Variants in GATAD2A observed in about 807,000 individuals in gnomAD.
GATAD2A encodes GATA zinc finger domain containing 2A.
Under a neutral mutation model 68.5 loss-of-function variants are expected in GATAD2A, and 12 were observed. The ratio of observed to expected loss-of-function variants is 0.18; its 90% CI spans 0.11 to 0.28. The LOEUF (loss-of-function observed/expected upper bound fraction) is 0.28, where lower values mean the gene tolerates loss of function less well. Ranked by LOEUF, GATAD2A falls within the 10% of genes least tolerant of loss-of-function variation. The pLI, the probability that GATAD2A is intolerant of heterozygous loss-of-function variation, is 1.00. For synonymous variants in GATAD2A, 410 were observed against 375.3 expected (o/e 1.09, Z -1.07); for missense variants, 755 against 868.5 (o/e 0.87, Z 1.64).
chr19:19,451,149 C>A (rs562634340), intron 1 of GATAD2A, among the ~76,000 whole-genome samples: 7 of 151,388 alleles, frequency 4.6e-5, no homozygotes, highest in African/African-American at 1.7e-4. Context: ...CTGAGGCAGC[C>A]GGATCATGAG....
At chr19:19,426,749 A>C (rs1251081269) in intron 1 of GATAD2A, among the ~76,000 whole-genome samples, 1 of 152,084 alleles carries the variant, frequency 6.6e-6, no homozygotes, top group East Asian at 1.9e-4. Flanking sequence ...TCTGGCCGCA[A>C]GCGATCCACC....
In GATAD2A at chr19:19,505,973, A is replaced by AT. The variant is rs111397533; in HGVS notation, c.*513dup. On this transcript the variant is annotated 3_prime_UTR_variant, in exon 12 of 12. Coordinates refer to ENST00000683918, the MANE Select transcript of GATAD2A (RefSeq NM_001384528.1). ...CCCATGGCGATCTATAAGTTGAAAG[A>AT]TTTTTTTTTTTTTTAATCACCTCAT... 1,962 of 366,862 alleles carry AT rather than the reference A, an allele frequency of 5.3e-3. No individual in the cohort carries two copies. Among genetic ancestry groups the AT allele is most frequent in the South Asian group, 6.9e-3 (50 of 7,218 alleles). 22.7% of individuals were successfully genotyped at this position (366,862 alleles called of 1,614,324 possible).
chr19:19,447,558 T>C (rs1370447163), intron 1 of GATAD2A, among the ~76,000 whole-genome samples: 1 of 152,094 alleles, frequency 6.6e-6, no homozygotes, highest in Non-Finnish European at 1.5e-5. Flanking sequence ...AGGGTAGAAG[T>C]AGGATTTCTG....
At chr19:19,483,554 G>T (rs1174399446) in intron 2 of GATAD2A, among the ~76,000 whole-genome samples, 1 of 152,134 alleles carries the variant, frequency 6.6e-6, no homozygotes, top group Non-Finnish European at 1.5e-5. Context: ...AGAAGCAGGT[G>T]GGCCTCAGGG....
chr19:19,477,219 G>A (rs2058731224), intron 2 of GATAD2A, among the ~76,000 whole-genome samples: 1 of 152,188 alleles, frequency 6.6e-6, no homozygotes, highest in Non-Finnish European at 1.5e-5. Context: ...AGACAAGGGA[G>A]GGGACGTCTG....
intron 1 of GATAD2A, among the ~76,000 whole-genome samples, chr19:19,452,793 T>C (rs371105058): frequency 6.6e-5 from 10 of 152,208 alleles, no homozygotes; most frequent in African/African-American, 2.4e-4. Context: ...GGACATGATA[T>C]AGGTTACCTG....
chr19:19,477,877 C>G (rs2058779754), intron 2 of GATAD2A, among the ~76,000 whole-genome samples: 1 of 152,206 alleles, frequency 6.6e-6, no homozygotes, highest in African/African-American at 2.4e-5. Context: ...CCTGGGTGAC[C>G]TGGCCAGCCA....
chr19:19,418,625 C>T (rs2051943712), intron 1 of GATAD2A, among the ~76,000 whole-genome samples: 1 of 152,172 alleles, frequency 6.6e-6, no homozygotes, highest in African/African-American at 2.4e-5. Flanking sequence ...AGGTTTTGGA[C>T]ACTTTTCCAG....
intron 2 of GATAD2A, among the ~76,000 whole-genome samples, chr19:19,479,614 C>T (rs1488371776): frequency 6.6e-6 from 1 of 152,222 alleles, no homozygotes; most frequent in Non-Finnish European, 1.5e-5. Context: ...GCTTTTCTCA[C>T]AGGCAGGTGA....
chr19:19,495,676 AG>A, intron 5 of GATAD2A, 77 bp from the exon 6 acceptor site: 2 of 1,389,094 alleles, frequency 1.4e-6, no homozygotes, highest in Non-Finnish European at 9.8e-7. Flanking sequence ...CTTTCATAAA[AG>A]CAGCAAAACT....
chr19:19,501,196 G>T lies in GATAD2A; in HGVS notation c.1283G>T (p.Arg428Leu). 6.2e-7 allele frequency: 1 copy of T among 1,613,562 alleles called. No individual in the cohort carries two copies. Among genetic ancestry groups the T allele is most frequent in the Non-Finnish European group, 8.5e-7 (1 of 1,179,998 alleles). The stretch of plus-strand genomic sequence containing the variant: ...CAGTGCAAGACGGACTTCACGTGCC[G>T]CTGGCGGGAGGAGAAGAGCGGCGCC... ...CAQCKTDFTC[R>L]WREEKSGAIM... The change falls in exon 9 of 12, where the codon CGC becomes CTC. Residue 428 changes from arginine (R) to leucine (L), a missense_variant. By Grantham distance (102) the Arg-to-Leu change is moderately radical. Coordinates refer to ENST00000683918, the MANE Select transcript of GATAD2A (RefSeq NM_001384528.1).
rs1331329136 is a variant in GATAD2A at position 19,506,886 on chromosome 19, C to T, written c.*1412C>T. 1 of 152,108 alleles carries T rather than the reference C, an allele frequency of 6.6e-6. No individual in the cohort carries two copies. Among genetic ancestry groups the T allele is most frequent in the African/African-American group, 2.4e-5 (1 of 41,414 alleles). The allele number at this position is 152,108 out of a possible 1,614,324, so 9.4% of individuals were successfully genotyped here. ...TCCAGCCCTGGTTTTCCTACCCATGCAGTTAGGGACTTTAATTTAATTTTT... is the reference window on the plus strand; with the variant it reads ...TCCAGCCCTGGTTTTCCTACCCATGTAGTTAGGGACTTTAATTTAATTTTT... On this transcript the variant is annotated 3_prime_UTR_variant, in exon 12 of 12. Transcript: ENST00000683918.
intron 10 of GATAD2A, 88 bp downstream of exon 10, chr19:19,502,131 G>C: frequency 9.8e-7 from 1 of 1,017,170 alleles, no homozygotes; most frequent in Non-Finnish European, 1.5e-6. Context: ...TGCCTCTTCT[G>C]TCTGTCTCTC....
At chr19:19,431,948 T>G (rs1311741444) in intron 1 of GATAD2A, among the ~76,000 whole-genome samples, 2 of 151,854 alleles carry the variant, frequency 1.3e-5, no homozygotes, top group African/African-American at 4.8e-5. Context: ...GCAGGGGTGG[T>G]GGGGGATCAC....
chr19:19,434,226 T>C (rs2054070186), intron 1 of GATAD2A, among the ~76,000 whole-genome samples: 1 of 152,180 alleles, frequency 6.6e-6, no homozygotes, highest in Admixed American at 6.5e-5. Flanking sequence ...ATATAGACCT[T>C]GATCCTGCAG....
chr19:19,474,545 T>C (rs543965174), intron 2 of GATAD2A, among the ~76,000 whole-genome samples: 1 of 152,254 alleles, frequency 6.6e-6, no homozygotes, highest in Non-Finnish European at 1.5e-5. Flanking sequence ...CCCTGGTGTG[T>C]ATTGGTGTGC....
chr19:19,448,932 G>A (rs2056065623), intron 1 of GATAD2A, among the ~76,000 whole-genome samples: 2 of 152,162 alleles, frequency 1.3e-5, no homozygotes, highest in Admixed American at 1.3e-4. Context: ...GAGACACAGG[G>A]CCGATATACA....
intron 1 of GATAD2A, among the ~76,000 whole-genome samples, chr19:19,412,088 C>CTT (rs959960153): frequency 1.0e-4 from 15 of 144,258 alleles, no homozygotes; most frequent in Admixed American, 3.4e-4. Flanking sequence ...CTCTCTCTCT[C>CTT]TTTTTTTTTT....
chr19:19,404,462 C>T (rs150416141), upstream of GATAD2A, among the ~76,000 whole-genome samples: 494 of 151,966 alleles, frequency 3.3e-3, 1 homozygote, highest in Middle Eastern at 0.017. Flanking sequence ...GAACAGATCA[C>T]GACATCAGGA....
Sources: gnomAD v4.1 joint callset for allele counts (sites outside exome capture counted in the v4.1 genomes callset) on GRCh38, gnomAD v4.1.1 for gene constraint, MANE v1.5 for transcripts, NCBI Gene and HGNC (gene_info 2026-07-23, HGNC 2026-07-21) for gene names.